Variants in TRPM7 observed in about 807,000 individuals in gnomAD.
TRPM7 encodes the protein transient receptor potential cation channel subfamily M member 7, also known as LTRPC ion channel family member 7.
Under a neutral mutation model 229.7 loss-of-function variants are expected in TRPM7, and 134 were observed. That is an observed-to-expected ratio of 0.58 (90% CI 0.51 to 0.67). The LOEUF is 0.67. TRPM7 is among the 30% of genes least tolerant of loss of function. The pLI, the probability that TRPM7 is intolerant of heterozygous loss-of-function variation, is 0.00. For synonymous variants in TRPM7, 699 were observed against 715.2 expected, an observed-to-expected ratio of 0.98 and a Z score of 0.36; for missense variants, 1,901 against 2,210.0, an observed-to-expected ratio of 0.86 and a Z score of 2.80.
At chr15:50,600,747 G>A (rs935137880) in intron 21 of TRPM7, among the ~76,000 whole-genome samples, 6 of 152,172 alleles carry the variant, frequency 3.9e-5, no homozygotes, top group African/African-American at 1.4e-4. Context: ...AATTTTATAG[G>A]GGCTTAAGAT....
chr15:50,571,579 GAA>G (rs60590506), intron 36 of TRPM7, among the ~76,000 whole-genome samples: 32 of 145,880 alleles, frequency 2.2e-4, no homozygotes, highest in Non-Finnish European at 3.2e-4. Context: ...AAAAAAAGTG[GAA>G]AAAAAAAAAT....
chr15:50,610,986 C>G (rs1596186741), intron 17 of TRPM7, 107 bp downstream of exon 17: 1 of 826,836 alleles, frequency 1.2e-6, no homozygotes, highest in East Asian at 2.6e-5. Flanking sequence ...TCTTTACCCC[C>G]CACCATTACA....
At chr15:50,645,491 C>T (rs1227079116) in intron 4 of TRPM7, among the ~76,000 whole-genome samples, 1 of 151,950 alleles carries the variant, frequency 6.6e-6, no homozygotes, top group Admixed American at 6.6e-5. Flanking sequence ...ACCACCAGGC[C>T]CAGCTACTTT....
At chr15:50,610,280 T>C (rs572956308) in intron 17 of TRPM7, among the ~76,000 whole-genome samples, 19 of 152,244 alleles carry the variant, frequency 1.2e-4, no homozygotes, top group African/African-American at 4.6e-4. Context: ...AAAAAATACA[T>C]TTTGTTTAAA....
chr15:50,643,353 T>A lies in TRPM7; in HGVS notation c.522A>T (p.Gly174=), dbSNP rs1221090823. Residue 174 remains glycine, a synonymous_variant, in exon 5 of 39, where the codon GGA becomes GGT. Transcript: ENST00000646667. The stretch of plus-strand genomic sequence containing the variant: ...TCATCACATTACCTGTGTTTACTCC[T>A]CCAGTTAAAATCCAGGCTCCAGTTG... ...AVTTGAWILT[G]GVNTGVAKHV... is the part of the protein sequence containing the mutation. 6.2e-7 allele frequency: 1 copy of A among 1,613,732 alleles called. No homozygotes were observed.
At chr15:50,634,605 T>A in intron 7 of TRPM7, 49 bp from the exon 8 acceptor site, 1 of 1,301,032 alleles carries the variant, frequency 7.7e-7, no homozygotes, top group Non-Finnish European at 9.9e-7. Flanking sequence ...CCAAGCAAGT[T>A]TCTCTCCAAG....
intron 21 of TRPM7, among the ~76,000 whole-genome samples, chr15:50,602,614 G>A (rs1295102150): frequency 6.6e-6 from 1 of 152,096 alleles, no homozygotes; most frequent in Non-Finnish European, 1.5e-5. Context: ...CTACCTATCT[G>A]TTCACATGTC....
Position 50,648,841 on chromosome 15 carries a change from G to A in TRPM7, c.167C>T (p.Ala56Val), listed in dbSNP as rs530278484. ...ATCTGAGTATTTCATGGCAAGACTT[G>A]CAGTAAAACAAGCATGTTGCTTGAC... Reference protein sequence around the residue: ...RLVKQHACFTASLAMKYSDVK... With the variant: ...RLVKQHACFTVSLAMKYSDVK... Residue 56 changes from alanine to valine, a missense_variant, in exon 4 of 39, where the codon GCA (alanine) becomes GTA (valine). By Grantham distance (64) the Ala-to-Val change is moderately conservative. Around this residue, in one of 8 missense-constraint regions of TRPM7, gnomAD observed 794 missense variants for 881.9 expected, o/e 0.90. Transcript: ENST00000646667. The A allele has an allele frequency of 8.7e-6, 14 of 1,612,258 alleles. No individual in the cohort carries two copies. The highest frequency in any genetic ancestry group is 4.5e-5 in the East Asian group (2 of 44,818).
At chr15:50,641,654 T>G (rs992458766) in intron 5 of TRPM7, among the ~76,000 whole-genome samples, 2 of 152,190 alleles carry the variant, frequency 1.3e-5, no homozygotes, top group African/African-American at 4.8e-5. Flanking sequence ...TTTTACTGTT[T>G]ATGGAATAAA....
chr15:50,666,726 T>C (rs1301074322), intron 1 of TRPM7, among the ~76,000 whole-genome samples: 2 of 151,650 alleles, frequency 1.3e-5, no homozygotes, highest in Non-Finnish European at 2.9e-5. Context: ...TGCTTGAACC[T>C]GGGAAGCAGA....
intron 31 of TRPM7, among the ~76,000 whole-genome samples, chr15:50,578,227 A>G (rs2054229312): frequency 6.6e-6 from 1 of 152,236 alleles, no homozygotes; most frequent in Admixed American, 6.5e-5. Flanking sequence ...TAATGGTCTA[A>G]GCTGAAAGCA....
intron 9 of TRPM7, 67 bp downstream of exon 9, chr15:50,632,802 A>T (rs1049698678): frequency 7.3e-7 from 1 of 1,378,486 alleles, no homozygotes; most frequent in Non-Finnish European, 9.6e-7. Context: ...TCACCAGTTT[A>T]GAATGTGTTT....
chr15:50,666,693 T>G (rs1004850286), intron 1 of TRPM7, among the ~76,000 whole-genome samples: 2 of 151,832 alleles, frequency 1.3e-5, no homozygotes, highest in African/African-American at 2.4e-5. Flanking sequence ...TCGCAGCTAC[T>G]TGGAAGGCTG....
At chr15:50,649,900 A>C (rs1224770919) in intron 3 of TRPM7, among the ~76,000 whole-genome samples, 1 of 152,146 alleles carries the variant, frequency 6.6e-6, no homozygotes, top group Non-Finnish European at 1.5e-5. Flanking sequence ...AGCATGTGGA[A>C]GAATAACTAC....
chr15:50,661,304 T>C (rs1242812708), intron 2 of TRPM7, among the ~76,000 whole-genome samples: 1 of 152,164 alleles, frequency 6.6e-6, no homozygotes, highest in African/African-American at 2.4e-5. Flanking sequence ...AAAATATCTG[T>C]AGTATGAAAA....
intron 28 of TRPM7, 40 bp from the exon 29 acceptor site, chr15:50,583,199 G>GA (rs761642541): frequency 3.2e-5 from 45 of 1,427,222 alleles, no homozygotes; most frequent in Middle Eastern, 1.8e-4. Flanking sequence ...CTACACAACT[G>GA]AAGTTTTATG....
intron 7 of TRPM7, among the ~76,000 whole-genome samples, chr15:50,636,945 T>C (rs572731958): frequency 2.0e-5 from 3 of 152,094 alleles, no homozygotes; most frequent in South Asian, 4.1e-4. Context: ...CTGGCTAACA[T>C]GGTGAAACCC....
At chr15:50,647,709 G>A (rs35849698) in intron 4 of TRPM7, among the ~76,000 whole-genome samples, 12,073 of 151,916 alleles carry the variant, frequency 0.079, 574 homozygotes, top group South Asian at 0.12. Flanking sequence ...TTGCGCCACC[G>A]CACTCCAGCC....
At position 50,592,242 on chromosome 15, in the gene TRPM7, A is replaced by C. The variant is rs2059522759; in HGVS notation, c.3993T>G (p.Gly1331=). The stretch of plus-strand genomic sequence containing the variant: ...TCTGGGGTACTGCAGGTAAGTCTTG[A>C]CCAAATATATTACACTGGGGATCTT... ...DDKDPQCNIF[G]QDLPAVPQRK... The change falls in exon 26 of 39, where the codon GGT becomes GGG. Residue 1331 remains glycine (G), a synonymous_variant. Coordinates refer to ENST00000646667, the MANE Select transcript of TRPM7 (RefSeq NM_017672.6). 1 of 1,614,168 alleles carries C rather than the reference A, an allele frequency of 6.2e-7. No homozygotes were observed. The highest frequency in any genetic ancestry group is 8.5e-7 in the Non-Finnish European group (1 of 1,180,028).
Sources: gnomAD v4.1 joint callset for allele counts (sites outside exome capture counted in the v4.1 genomes callset) on GRCh38, gnomAD v4.1.1 for gene constraint, gnomAD v4.1.1 regional missense constraint, MANE v1.5 for transcripts, NCBI Gene and HGNC (gene_info 2026-07-23, HGNC 2026-07-21) for gene names.